Variants in ZNF148 observed in about 807,000 individuals in gnomAD.
The protein encoded by ZNF148 is Beta-Enolase Repressor Factor-1.
ZNF148 carries 7 observed loss-of-function variants against 67.7 expected under a neutral mutation model. The observed-to-expected ratio is 0.10, with a 90% CI of 0.06 to 0.19. The LOEUF is 0.19. Among genes scored for constraint, ZNF148 ranks in the 10% least tolerant of loss-of-function variants. The probability of loss-of-function intolerance (pLI) is 1.00; values close to 1 mark genes in which losing one functional copy is unlikely to be tolerated. For missense variants in ZNF148, 583 were observed against 947.1 expected (o/e 0.62, Z 5.05); for synonymous variants, 333 against 330.7 (o/e 1.01, Z -0.08).
chr3:125,258,143 C>G (rs372489860), intron 7 of ZNF148, among the ~76,000 whole-genome samples: 3 of 151,902 alleles, frequency 2.0e-5, no homozygotes, highest in Admixed American at 6.6e-5. Context: ...CATCTTCCAG[C>G]TGGGTGCGGT....
chr3:125,277,689 C>A (rs1350449806), intron 7 of ZNF148, 37 bp downstream of exon 7: 2 of 1,550,540 alleles, frequency 1.3e-6, no homozygotes, highest in South Asian at 1.2e-5. Flanking sequence ...TTGAAATAAT[C>A]ATTTTAATGA....
chr3:125,336,677 C>CTTTTTTTTTTTTTTTTTTTTTTTTT (rs71148176), intron 1 of ZNF148, among the ~76,000 whole-genome samples: 1 of 95,304 alleles, frequency 1.0e-5, no homozygotes, highest in Non-Finnish European at 1.9e-5. Flanking sequence ...CAGAAATCAC[C>CTTTTTTTTTTTTTTTTTTTTTTTTT]TTTTTTTTTT....
In ZNF148 at chr3:125,245,246, G is replaced by T. The variant is rs79835157; in HGVS notation, c.668-10917C>A. Among the ~76,000 whole-genome samples the T allele has an allele frequency of 8.5e-3, 1,295 of 152,132 alleles. 11 individuals are homozygous for T. Among genetic ancestry groups the T allele is most frequent in the African/African-American group, 0.029 (1,206 of 41,484 alleles). ...CCCATAATCCCCATGTGTCAAAGAG[G>T]GACCAGGTGAGAGGTGACTGGATCA... On this transcript the variant is annotated intron_variant, in intron 7 of 8. Transcript: ENST00000360647.
At chr3:125,328,118 C>T (rs557022659) in intron 2 of ZNF148, among the ~76,000 whole-genome samples, 9 of 151,750 alleles carry the variant, frequency 5.9e-5, no homozygotes, top group African/African-American at 1.4e-4. Context: ...CCTAAAGACA[C>T]CTGGCCAAAC....
intron 7 of ZNF148, among the ~76,000 whole-genome samples, chr3:125,240,367 C>G (rs1165663532): frequency 2.6e-5 from 4 of 152,142 alleles, no homozygotes; most frequent in Non-Finnish European, 5.9e-5. Flanking sequence ...CATACATACA[C>G]AAACTGGAGA....
chr3:125,364,042 C>A (rs1942627552), intron 1 of ZNF148, among the ~76,000 whole-genome samples: 1 of 152,140 alleles, frequency 6.6e-6, no homozygotes, highest in Admixed American at 6.5e-5. Flanking sequence ...CTTAAATAGT[C>A]TCTTATTTAC....
intron 1 of ZNF148, among the ~76,000 whole-genome samples, chr3:125,341,566 A>G (rs1941724948): frequency 6.6e-6 from 1 of 152,122 alleles, no homozygotes; most frequent in Non-Finnish European, 1.5e-5. Flanking sequence ...AGCGGTAGTG[A>G]GCTGTGATCA....
At chr3:125,241,960 T>C (rs1173221441) in intron 7 of ZNF148, among the ~76,000 whole-genome samples, 1 of 152,212 alleles carries the variant, frequency 6.6e-6, no homozygotes, top group Non-Finnish European at 1.5e-5. Context: ...AAAAACATTA[T>C]CTCAGCAGGA....
intron 7 of ZNF148, among the ~76,000 whole-genome samples, chr3:125,274,692 A>G (rs1279519139): frequency 6.6e-6 from 1 of 152,232 alleles, no homozygotes; most frequent in East Asian, 1.9e-4. Context: ...GGGGCAGAGA[A>G]TGGGCTTGGA....
intron 5 of ZNF148, among the ~76,000 whole-genome samples, chr3:125,282,922 C>T (rs973895430): frequency 6.6e-6 from 1 of 152,112 alleles, no homozygotes; most frequent in Non-Finnish European, 1.5e-5. Context: ...CAAATGTGTA[C>T]TACTAAAATT....
intron 7 of ZNF148, among the ~76,000 whole-genome samples, chr3:125,235,544 G>A (rs1346862037): frequency 2.6e-5 from 4 of 152,002 alleles, no homozygotes; most frequent in Admixed American, 2.6e-4. Flanking sequence ...CCAGGTGAAA[G>A]GTATCTTTAA....
intron 7 of ZNF148, among the ~76,000 whole-genome samples, chr3:125,238,100 C>T (rs186449433): frequency 6.6e-6 from 1 of 152,188 alleles, no homozygotes; most frequent in Admixed American, 6.5e-5. Context: ...CCCCAACCAA[C>T]TCCCACACCT....
At chr3:125,244,050 A>T (rs1936486073) in intron 7 of ZNF148, among the ~76,000 whole-genome samples, 1 of 152,232 alleles carries the variant, frequency 6.6e-6, no homozygotes, top group South Asian at 2.1e-4. Flanking sequence ...AAGAAATTTT[A>T]AATGTTTTTT....
intron 1 of ZNF148, among the ~76,000 whole-genome samples, chr3:125,351,221 A>T (rs887954013): frequency 1.3e-5 from 2 of 152,070 alleles, no homozygotes; most frequent in Non-Finnish European, 2.9e-5. Context: ...AAAATAATTT[A>T]AAAATTTAAA....
chr3:125,362,486 C>CA (rs1336483854), intron 1 of ZNF148, among the ~76,000 whole-genome samples: 1 of 151,938 alleles, frequency 6.6e-6, no homozygotes, highest in African/African-American at 2.4e-5. Context: ...CAAAAAAAAA[C>CA]AAAAACTAAA....
In ZNF148 at chr3:125,333,308, G is replaced by A. The variant is rs145819474; in HGVS notation, c.-233-2070C>T. 2.5e-3 allele frequency among the ~76,000 whole-genome samples: 380 copies of A among 152,238 alleles called. 2 individuals are homozygous for A. Among genetic ancestry groups the A allele is most frequent in the African/African-American group, 8.8e-3 (365 of 41,544 alleles). On this transcript the variant is annotated intron_variant, in intron 1 of 8. Coordinates refer to ENST00000360647, the MANE Select transcript of ZNF148 (RefSeq NM_021964.3). The stretch of plus-strand genomic sequence containing the variant: ...AGTGAAGCAAGAAGGAAAAGGAAAC[G>A]TGCATACACACAAAATAATATAACC...
chr3:125,270,632 C>A (rs1312505978), intron 7 of ZNF148, among the ~76,000 whole-genome samples: 4 of 152,104 alleles, frequency 2.6e-5, no homozygotes, highest in African/African-American at 9.7e-5. Context: ...TTTCAGAGTA[C>A]ATTTTCTACA....
At chr3:125,375,338 GCGCCGCCGCGGT>G (rs1259059499), upstream of ZNF148, 1 of 152,546 alleles carries the variant, frequency 6.6e-6, no homozygotes, top group Non-Finnish European at 1.5e-5. Flanking sequence ...CGCAGCTAGA[GCGCCGCCGCGGT>G]CGCCGCCACT....
chr3:125,271,228 C>T (rs756078037), intron 7 of ZNF148, among the ~76,000 whole-genome samples: 1 of 152,106 alleles, frequency 6.6e-6, no homozygotes, highest in Non-Finnish European at 1.5e-5. Context: ...CTAGACAATG[C>T]AATTCCAAAA....
Sources: gnomAD v4.1 joint callset for allele counts (sites outside exome capture counted in the v4.1 genomes callset) on GRCh38, gnomAD v4.1.1 for gene constraint, MANE v1.5 for transcripts, NCBI Gene and HGNC (gene_info 2026-07-23, HGNC 2026-07-21) for gene names.